Variants in PHLDB2 observed in about 807,000 individuals in gnomAD.
The protein encoded by PHLDB2 is pleckstrin homology-like domain family B member 2.
In PHLDB2, 71 loss-of-function variants were observed where a neutral mutation model predicts 123.6. The ratio of observed to expected loss-of-function variants is 0.57; its 90% CI spans 0.47 to 0.70. The LOEUF is 0.70. Among genes scored for constraint, PHLDB2 ranks in the 30% least tolerant of loss-of-function variants. The pLI, the probability that PHLDB2 is intolerant of heterozygous loss-of-function variation, is 0.00. For synonymous variants in PHLDB2, 547 were observed against 541.6 expected, an observed-to-expected ratio of 1.01 and a Z score of -0.14; for missense variants, 1,446 against 1,519.5, an observed-to-expected ratio of 0.95 and a Z score of 0.80.
upstream of PHLDB2, among the ~76,000 whole-genome samples, chr3:111,858,168 G>T (rs1295029807): frequency 6.6e-6 from 1 of 152,164 alleles, no homozygotes. Flanking sequence ...CGTGGATGAT[G>T]CTGGAAACCA....
chr3:111,926,029 ACTATC>A (rs1359872941), intron 5 of PHLDB2, among the ~76,000 whole-genome samples: 1 of 152,210 alleles, frequency 6.6e-6, no homozygotes, highest in African/African-American at 2.4e-5. Context: ...TATATCTCAA[ACTATC>A]CTTTTGTTTA....
At position 111,974,405 on chromosome 3, in the gene PHLDB2, T is replaced by G; in HGVS notation, c.3622-18T>G. The G allele has an allele frequency of 6.4e-7, 1 of 1,572,956 alleles. No homozygotes were observed. Among genetic ancestry groups the G allele is most frequent in the Middle Eastern group, 1.7e-4 (1 of 5,898 alleles). On this transcript the variant is annotated intron_variant, in intron 17 of 17. Coordinates refer to ENST00000431670, the MANE Select transcript of PHLDB2 (RefSeq NM_001134438.2). ...TAAGATGTTTATTTTACATTCTTTT[T>G]CCTTTTTTGAATTTTAGAGTCCTAA...
rs1301070338 is a variant in PHLDB2 at position 111,913,629 on chromosome 3, G to A, written c.1646G>A (p.Arg549Gln). The part of the protein sequence containing the change: ...RNDELLSDLT[R>Q]TPPPPSSTFP... ...GATGAACTACTCAGTGACCTCACCCGGACTCCTCCACCACCATCCTCCACC... is the reference window on the plus strand; with the variant it reads ...GATGAACTACTCAGTGACCTCACCCAGACTCCTCCACCACCATCCTCCACC... The change falls in exon 3 of 18, where the codon CGG (arginine) becomes CAG (glutamine). Residue 549 changes from arginine (R) to glutamine (Q), a missense_variant. By Grantham distance (43) the Arg-to-Gln change is conservative. Transcript: ENST00000431670. The A allele has an allele frequency of 1.2e-5, 19 of 1,613,834 alleles. No homozygotes were observed. The highest frequency in any genetic ancestry group is 8.9e-5 in the East Asian group (4 of 44,878).
intron 1 of PHLDB2, among the ~76,000 whole-genome samples, chr3:111,782,493 T>C (rs1283596636): frequency 6.6e-6 from 1 of 152,152 alleles, no homozygotes; most frequent in African/African-American, 2.4e-5. Context: ...GTTAAGTTTT[T>C]GTTCTTACTA....
chr3:111,748,711 G>A (rs180849533), intron 1 of PHLDB2, among the ~76,000 whole-genome samples: 32 of 151,848 alleles, frequency 2.1e-4, no homozygotes, highest in African/African-American at 6.3e-4. Flanking sequence ...TAGTAAAGAC[G>A]GGGTTTCACC....
Position 111,884,335 on chromosome 3 carries a change from C to G in PHLDB2, c.258C>G (p.Ala86=). 6.2e-7 allele frequency: 1 copy of G among 1,614,146 alleles called. No individual in the cohort carries two copies. Among genetic ancestry groups the G allele is most frequent in the Non-Finnish European group, 8.5e-7 (1 of 1,180,024 alleles). The change falls in exon 2 of 18, where the codon GCC becomes GCG. Residue 86 remains alanine (A), a synonymous_variant. Coordinates refer to ENST00000431670, the MANE Select transcript of PHLDB2 (RefSeq NM_001134438.2). The part of the protein sequence containing the change: ...GTSVRSSPSL[A]KIQGSKQFSY... ...GTGTCAGAAGCAGCCCCTCCTTAGC[C>G]AAAATCCAGGGAAGCAAGCAGTTCT...
chr3:111,973,142 G>C (rs2072320278), intron 16 of PHLDB2, among the ~76,000 whole-genome samples: 1 of 152,064 alleles, frequency 6.6e-6, no homozygotes, highest in African/African-American at 2.4e-5. Flanking sequence ...GTTTTGCTTT[G>C]TTTTTATGGT....
chr3:111,941,073 TG>T (rs1316907407), intron 8 of PHLDB2, among the ~76,000 whole-genome samples: 1 of 152,252 alleles, frequency 6.6e-6, no homozygotes, highest in East Asian at 1.9e-4. Flanking sequence ...TATTTGTTCA[TG>T]GGTCTTTCTA....
intron 2 of PHLDB2, chr3:111,846,522 CT>C (rs1378174179): frequency 1.3e-5 from 2 of 152,648 alleles, no homozygotes; most frequent in Non-Finnish European, 2.9e-5. Context: ...GCTTGGTTAC[CT>C]AGTTTCAGCC....
At position 111,896,782 on chromosome 3, in the gene PHLDB2, G is replaced by A. The variant is rs562641734; in HGVS notation, c.1335+11370G>A. Among the ~76,000 whole-genome samples the A allele has an allele frequency of 5.3e-5, 8 of 149,712 alleles. No individual in the cohort carries two copies. In the South Asian group the frequency reaches 8.4e-4, roughly 16 times the overall value. On this transcript the variant is annotated intron_variant, in intron 2 of 17. Coordinates refer to ENST00000431670, the MANE Select transcript of PHLDB2 (RefSeq NM_001134438.2). ...AAAAAAAAAAAAAAATCCAAAACAA[G>A]CATTACAAGGGTAACACATCCAGCA...
rs1027442676 is a variant in PHLDB2 at position 111,975,983 on chromosome 3, T to C, written c.*1420T>C. ...ATTTTGCAACTGGATGACACAAGAT[T>C]TTACTTGAACAGTGAAGGACAAAAA... On this transcript the variant is annotated 3_prime_UTR_variant, in exon 18 of 18. Coordinates refer to ENST00000431670, the MANE Select transcript of PHLDB2 (RefSeq NM_001134438.2). The C allele has an allele frequency of 6.6e-6, 1 of 152,662 alleles. No individual in the cohort carries two copies. Among genetic ancestry groups the C allele is most frequent in the Non-Finnish European group, 1.5e-5 (1 of 68,030 alleles). The allele number at this position is 152,662 out of a possible 1,614,324, so 9.5% of individuals were successfully genotyped here.
intron 1 of PHLDB2, among the ~76,000 whole-genome samples, chr3:111,845,388 A>G (rs1381765746): frequency 8.5e-6 from 1 of 117,866 alleles, no homozygotes; most frequent in Non-Finnish European, 1.8e-5. Context: ...AAAAAAAACT[A>G]TGGGATTTGT....
intron 1 of PHLDB2, among the ~76,000 whole-genome samples, chr3:111,860,906 C>T (rs1177516541): frequency 6.6e-6 from 1 of 152,128 alleles, no homozygotes; most frequent in East Asian, 1.9e-4. Context: ...GCCACATTTC[C>T]CTTCGTAATA....
At chr3:111,873,977 A>G (rs1049544569) in intron 1 of PHLDB2, among the ~76,000 whole-genome samples, 8 of 152,240 alleles carry the variant, frequency 5.3e-5, no homozygotes, top group Non-Finnish European at 1.0e-4. Flanking sequence ...TTACAGTCCT[A>G]GATTTTAAAA....
At chr3:111,868,035 C>T (rs779740616) in intron 1 of PHLDB2, among the ~76,000 whole-genome samples, 18 of 149,560 alleles carry the variant, frequency 1.2e-4, no homozygotes, top group African/African-American at 3.0e-4. Flanking sequence ...GATCTTGCTG[C>T]GTCACCCAGA....
chr3:111,892,122 A>T (rs147735701), intron 2 of PHLDB2, among the ~76,000 whole-genome samples: 1 of 152,242 alleles, frequency 6.6e-6, no homozygotes, highest in Non-Finnish European at 1.5e-5. Context: ...ACCAGCTCTC[A>T]TGAAGCATCA....
chr3:111,860,932 C>T lies in PHLDB2; in HGVS notation c.-15+1356C>T, dbSNP rs2064804900. The stretch of plus-strand genomic sequence containing the variant: ...CTTCGTAATATGAACGTGTAAGTTA[C>T]AGATGTAGGTTTTCAAGTATTGGAC... On this transcript the variant is annotated intron_variant, in intron 1 of 17. Transcript: ENST00000431670. 2.0e-5 allele frequency among the ~76,000 whole-genome samples: 3 copies of T among 152,162 alleles called. No individual in the cohort carries two copies. The South Asian group carries it at 6.2e-4, about 32-fold the overall frequency.
At chr3:111,806,925 C>T (rs1385180632) in intron 1 of PHLDB2, among the ~76,000 whole-genome samples, 1 of 151,580 alleles carries the variant, frequency 6.6e-6, no homozygotes, top group Non-Finnish European at 1.5e-5. Context: ...CATAAGCCAC[C>T]ATGCCCAGCC....
At chr3:111,960,310 T>C (rs2071319962) in intron 12 of PHLDB2, 1 of 201,926 alleles carries the variant, frequency 5.0e-6, no homozygotes, top group Non-Finnish European at 8.8e-6. Context: ...TATTTAGTCT[T>C]GTGGTGTGCT....
Sources: allele counts gnomAD v4.1 joint callset (sites outside exome capture counted in the v4.1 genomes callset), GRCh38; gene constraint gnomAD v4.1.1; transcripts MANE v1.5; gene names NCBI Gene and HGNC (gene_info 2026-07-23, HGNC 2026-07-21).